The following SLC35B2 variants were observed in gnomAD, a reference collection of about 807,000 sequenced individuals.
SLC35B2 encodes solute carrier family 35 member B2.
Under a neutral mutation model 37.9 loss-of-function variants are expected in SLC35B2, and 19 were observed. The ratio of observed to expected loss-of-function variants is 0.50; its 90% CI spans 0.35 to 0.74. The LOEUF (loss-of-function observed/expected upper bound fraction) is 0.74. Ranked by LOEUF, SLC35B2 falls within the 30% of genes least tolerant of loss-of-function variation. SLC35B2 has a pLI of 0.01. For synonymous variants in SLC35B2, 277 were observed against 225.2 expected (o/e 1.23, Z -2.06); for missense variants, 633 against 547.6 (o/e 1.16, Z -1.56).
upstream of SLC35B2, chr6:44,257,572 T>A: frequency 7.0e-6 from 4 of 571,424 alleles, no homozygotes; most frequent in Non-Finnish European, 9.6e-6. Context: ...CCTCCGCCCC[T>A]GCCGCGACCA....
Position 44,255,083 on chromosome 6 carries a change from A to G in SLC35B2, c.922T>C (p.Phe308Leu). The G allele has an allele frequency of 3.1e-6, 5 of 1,614,152 alleles. No individual in the cohort carries two copies. The highest frequency in any genetic ancestry group is 4.2e-6 in the Non-Finnish European group (5 of 1,180,028). The part of the protein sequence containing the change: ...SSVQMMFGVN[F>L]FSCLFTVGSL... ...CCCACTGTGAAGAGGCAGGAGAAGAAATTGACCCCAAACATCATCTGCACC... is the reference window on the plus strand; with the variant it reads ...CCCACTGTGAAGAGGCAGGAGAAGAGATTGACCCCAAACATCATCTGCACC... Residue 308 changes from phenylalanine to leucine, a missense_variant, in exon 4 of 4, where the codon TTC (phenylalanine) becomes CTC (leucine). Physicochemically the swap from Phe to Leu is conservative, Grantham distance 22. Transcript: ENST00000393812.
At chr6:44,256,261 G>A in intron 3 of SLC35B2, 81 bp downstream of exon 3, 8 of 1,522,362 alleles carry the variant, frequency 5.3e-6, no homozygotes, top group Non-Finnish European at 7.1e-6. Flanking sequence ...AAAGCTCTGG[G>A]ACTGGTAAAA....
At chr6:44,255,743 C>G in intron 3 of SLC35B2, 99 bp from the exon 4 acceptor site, 1 of 1,169,694 alleles carries the variant, frequency 8.5e-7, no homozygotes, top group African/African-American at 1.5e-5. Context: ...CTAAGTGATT[C>G]AAAGGAAAAT....
Position 44,254,662 on chromosome 6 carries a change from T to C in SLC35B2, c.*44A>G. ...CAGAGGTTACAGCAGAAGGGGATGG[T>C]GGGAGGGTCCTATTTCACTTCACCC... On this transcript the variant is annotated 3_prime_UTR_variant, in exon 4 of 4. Transcript: ENST00000393812. 6.4e-7 allele frequency: 1 copy of C among 1,554,436 alleles called. No individual in the cohort carries two copies.
chr6:44,257,378 T>C, intron 1 of SLC35B2, 22 bp downstream of exon 1: 1 of 1,320,482 alleles, frequency 7.6e-7, no homozygotes, highest in Non-Finnish European at 9.7e-7. Context: ...TCACGTGAGC[T>C]CGCTGCTGCC....
rs1561908013 is a variant in SLC35B2, at chr6:44,255,115, A to ATCT, written c.887_889dup (p.Lys296dup). ...CCCAAACATCATCTGCACCGATGAC[A>ATCT]TCTTATAGGCAAACAGGGCATCCTG... On this transcript the variant is annotated inframe_insertion, in exon 4 of 4. Transcript: ENST00000393812. 6.2e-7 allele frequency: 1 copy of ATCT among 1,614,210 alleles called. No homozygotes were observed. The highest frequency in any genetic ancestry group is 8.5e-7 in the Non-Finnish European group (1 of 1,180,026).
Position 44,255,241 on chromosome 6 carries a change from A to G in SLC35B2, c.764T>C (p.Leu255Pro), listed in dbSNP as rs1218798664. The G allele has an allele frequency of 6.2e-7, 1 of 1,614,242 alleles. No individual in the cohort carries two copies. Among genetic ancestry groups the G allele is most frequent in the Admixed American group, 1.7e-5 (1 of 60,026 alleles). Reference protein sequence around the residue: ...LISIGVSMFLLSSGPEPRSSP... With the variant: ...LISIGVSMFLPSSGPEPRSSP... ...GCTGCGGGGCTCTGGTCCGCTGGAT[A>G]GCAGAAACATGCTGACCCCAATGGA... Residue 255 changes from leucine to proline, a missense_variant, in exon 4 of 4, where the codon CTA becomes CCA. Coordinates refer to ENST00000393812, the MANE Select transcript of SLC35B2 (RefSeq NM_178148.4).
upstream of SLC35B2, chr6:44,257,867 C>T (rs1415730767): frequency 6.6e-6 from 1 of 152,442 alleles, no homozygotes; most frequent in Non-Finnish European, 1.5e-5. Context: ...TGTCTCCTTG[C>T]TTTGTTGGCT....
Position 44,256,520 on chromosome 6 carries a change from GC to G in SLC35B2, c.206-25del, listed in dbSNP as rs763669806. 1.9e-6 allele frequency: 3 copies of G among 1,613,876 alleles called. No homozygotes were observed. In the African/African-American group the frequency reaches 4.0e-5, roughly 22 times the overall value. On this transcript the variant is annotated intron_variant, in intron 2 of 3. Coordinates refer to ENST00000393812, the MANE Select transcript of SLC35B2 (RefSeq NM_178148.4). ...ACCTGAAGAAAGCACACAAAGTCAAGCCCCAAATCTTCTCCATAGCACTTCA... is the reference window on the plus strand; with the variant it reads ...ACCTGAAGAAAGCACACAAAGTCAAGCCCAAATCTTCTCCATAGCACTTCA...
Position 44,256,496 on chromosome 6 carries a change from C to A in SLC35B2, c.206G>T (p.Gly69Val). The A allele has an allele frequency of 1.9e-6, 3 of 1,614,196 alleles. No individual in the cohort carries two copies. The highest frequency in any genetic ancestry group is 2.5e-6 in the Non-Finnish European group (3 of 1,180,032). ...YFRRKNYLET[G>V]RGLCFPLVKA... Reference sequence around the variant, plus strand: ...CACCAGGGGAAAGCAGAGGCCCCTACCTGAAGAAAGCACACAAAGTCAAGC... The same window carrying A: ...CACCAGGGGAAAGCAGAGGCCCCTAACTGAAGAAAGCACACAAAGTCAAGC... Residue 69 changes from glycine to valine, a missense_variant and splice_region_variant, in exon 3 of 4, where the codon GGT becomes GTT. Coordinates refer to ENST00000393812, the MANE Select transcript of SLC35B2 (RefSeq NM_178148.4).
In SLC35B2 at chr6:44,254,182, G is replaced by C. The variant is rs530809450; in HGVS notation, c.*524C>G. 1 of 216,788 alleles carries C rather than the reference G, an allele frequency of 4.6e-6. No homozygotes were observed. Among genetic ancestry groups the C allele is most frequent in the Non-Finnish European group, 9.4e-6 (1 of 106,176 alleles). 13.4% of individuals were successfully genotyped at this position (216,788 alleles called of 1,614,324 possible). A position where few individuals can be genotyped will look rare whatever the true frequency, so the allele number is the denominator to read the frequency against. On this transcript the variant is annotated 3_prime_UTR_variant, in exon 4 of 4. Coordinates refer to ENST00000393812, the MANE Select transcript of SLC35B2 (RefSeq NM_178148.4). The stretch of plus-strand genomic sequence containing the variant: ...TCTAAAGTACCAAAACCTGCAACAG[G>C]CTCATGGAACAGAGCCTAGGGATCC...
chr6:44,257,323 G>A, intron 1 of SLC35B2, 77 bp downstream of exon 1: 1 of 1,307,314 alleles, frequency 7.6e-7, no homozygotes. Context: ...GACCCCACCC[G>A]GCCCCCGTGC....
At position 44,254,723 on chromosome 6, in the gene SLC35B2, G is replaced by C; in HGVS notation, c.1282C>G (p.Pro428Ala). ...RGKKAVPVES[P>A]VQKV ...TTCCACCCTCAAACCTTCTGCACAG[G>C]AGACTCAACAGGCACAGCCTTCTTT... The change falls in exon 4 of 4, where the codon CCT becomes GCT. Residue 428 changes from proline to alanine, a missense_variant. Physicochemically the swap from Pro to Ala is conservative, Grantham distance 27. Coordinates refer to ENST00000393812, the MANE Select transcript of SLC35B2 (RefSeq NM_178148.4). The C allele has an allele frequency of 1.2e-6, 2 of 1,612,390 alleles. No individual in the cohort carries two copies. Among genetic ancestry groups the C allele is most frequent in the Non-Finnish European group, 1.7e-6 (2 of 1,178,716 alleles).
chr6:44,254,893 A>G lies in SLC35B2; in HGVS notation c.1112T>C (p.Met371Thr), dbSNP rs1193219847. The change falls in exon 4 of 4, where the codon ATG becomes ACG. Residue 371 changes from methionine (M) to threonine (T), a missense_variant. By Grantham distance (81) the Met-to-Thr change is moderately conservative. Coordinates refer to ENST00000393812, the MANE Select transcript of SLC35B2 (RefSeq NM_178148.4). ...GATGGCAAAGGCCTGGCGGAGGGTCATGATGATGGTGAAGACGGCAGCCCC... is the reference window on the plus strand; with the variant it reads ...GATGGCAAAGGCCTGGCGGAGGGTCGTGATGATGGTGAAGACGGCAGCCCC... ...QFGAAVFTII[M>T]TLRQAFAILL... The G allele has an allele frequency of 3.7e-6, 6 of 1,614,022 alleles. No individual in the cohort carries two copies. In the African/African-American group the frequency reaches 4.0e-5, roughly 11 times the overall value.
At position 44,257,428 on chromosome 6, in the gene SLC35B2, G is replaced by T; in HGVS notation, c.-18C>A. 4 of 1,257,878 alleles carry T rather than the reference G, an allele frequency of 3.2e-6. No individual in the cohort carries two copies. The highest frequency in any genetic ancestry group is 4.0e-6 in the Non-Finnish European group (4 of 994,100). 77.9% of individuals were successfully genotyped at this position (1,257,878 alleles called of 1,614,324 possible). On this transcript the variant is annotated 5_prime_UTR_variant, in exon 1 of 4. Coordinates refer to ENST00000393812, the MANE Select transcript of SLC35B2 (RefSeq NM_178148.4). ...GCGTCCATGGTCCAGGCCGCGTGGG[G>T]TGGAGGGGGAACCGGGGAATGCGAG... is the stretch of plus-strand genomic sequence containing the variant.
At position 44,254,427 on chromosome 6, in the gene SLC35B2, G is replaced by C; in HGVS notation, c.*279C>G. 1 of 385,802 alleles carries C rather than the reference G, an allele frequency of 2.6e-6. No homozygotes were observed. Among genetic ancestry groups the C allele is most frequent in the South Asian group, 4.3e-5 (1 of 23,196 alleles). 23.9% of individuals were successfully genotyped at this position (385,802 alleles called of 1,614,324 possible). On this transcript the variant is annotated 3_prime_UTR_variant, in exon 4 of 4. Coordinates refer to ENST00000393812, the MANE Select transcript of SLC35B2 (RefSeq NM_178148.4). ...AGGGAACTTGTGGGAAGAGTAACTG[G>C]AACCTACCTATGCTCTCTTGACCCC...
Position 44,255,598 on chromosome 6 carries a change from C to T in SLC35B2, c.407G>A (p.Arg136His), listed in dbSNP as rs767928752. The T allele has an allele frequency of 3.7e-6, 6 of 1,613,958 alleles. No homozygotes were observed. The highest frequency in any genetic ancestry group is 1.7e-5 in the Admixed American group (1 of 60,004). The stretch of plus-strand genomic sequence containing the variant: ...TGATGTGGCTGTGGCCCCATAGCTG[C>T]GGGTCATCACTCTTTCCTGCAGCAC... ...WGVLQERVMT[R>H]SYGATATSPG... The change falls in exon 4 of 4, where the codon CGC becomes CAC. Residue 136 changes from arginine to histidine, a missense_variant. Arg to His is a conservative substitution (Grantham distance 29, BLOSUM62 0). Transcript: ENST00000393812.
At chr6:44,257,218 C>A in intron 1 of SLC35B2, 182 bp downstream of exon 1, 1 of 648,580 alleles carries the variant, frequency 1.5e-6, no homozygotes, top group Middle Eastern at 4.7e-4. Context: ...CCAGCCCCTC[C>A]GCCCGAAGCT....
In SLC35B2 at chr6:44,256,383, A is replaced by G; in HGVS notation, c.319T>C (p.Trp107Arg). 1 of 1,614,170 alleles carries G rather than the reference A, an allele frequency of 6.2e-7. No homozygotes were observed. The highest frequency in any genetic ancestry group is 1.1e-5 in the South Asian group (1 of 91,084). ...CAGAAGAGCAGCTTCAGGGCCTGCC[A>G]CATCGGGGTGGTCTCTGCCGCCTCT... ...RTEAAETTPM[W>R]QALKLLFCAT... The change falls in exon 3 of 4, where the codon TGG (tryptophan) becomes CGG (arginine). Residue 107 changes from tryptophan (W) to arginine (R), a missense_variant. By Grantham distance (101) the Trp-to-Arg change is moderately radical (BLOSUM62 -3). Transcript: ENST00000393812.
Sources: gnomAD v4.1 joint callset for allele counts on GRCh38, gnomAD v4.1.1 for gene constraint, MANE v1.5 for transcripts, NCBI Gene and HGNC (gene_info 2026-07-23, HGNC 2026-07-21) for gene names.